The following SGCZ variants were observed in gnomAD, a reference collection of about 807,000 sequenced individuals.
SGCZ encodes the protein sarcoglycan zeta, also known as zeta-sarcoglycan.
A neutral mutation model predicts 41.3 loss-of-function variants in SGCZ; 40 were observed. The observed-to-expected ratio is 0.97, with a 90% CI of 0.75 to 1.26. The LOEUF (loss-of-function observed/expected upper bound fraction) is 1.26, where lower values mean the gene tolerates loss of function less well. SGCZ is among the 50% of genes most tolerant of loss of function. The pLI, the probability that SGCZ is intolerant of heterozygous loss-of-function variation, is 0.00. For synonymous variants in SGCZ, 206 were observed against 137.5 expected, an observed-to-expected ratio of 1.50 and a Z score of -3.49; for missense variants, 552 against 369.8, an observed-to-expected ratio of 1.49 and a Z score of -4.04.
At chr8:14,155,692 A>T in intron 5 of SGCZ, among the ~76,000 whole-genome samples, 1 of 150,474 alleles carries the variant, frequency 6.6e-6, no homozygotes, top group East Asian at 1.9e-4. Flanking sequence ...TATTGTCATT[A>T]TATATGTAAA....
At position 14,259,114 on chromosome 8, in the gene SGCZ, C is replaced by T. The variant is rs193267756; in HGVS notation, c.337-21435G>A. On this transcript the variant is annotated intron_variant, in intron 3 of 7. Coordinates refer to ENST00000382080, the MANE Select transcript of SGCZ (RefSeq NM_139167.4). ...TTAGCCTTGGGTAACCTCTAGTATACGGATTTGTAATACTATATTTTGTAA... is the reference window on the plus strand; with the variant it reads ...TTAGCCTTGGGTAACCTCTAGTATATGGATTTGTAATACTATATTTTGTAA... Among the ~76,000 whole-genome samples the T allele has an allele frequency of 2.2e-3, 340 of 152,182 alleles. 2 individuals are homozygous for T. The highest frequency in any genetic ancestry group is 0.011 in the South Asian group (52 of 4,828).
At chr8:14,666,518 CAAAT>C (rs1807915300) in intron 1 of SGCZ, among the ~76,000 whole-genome samples, 1 of 152,100 alleles carries the variant, frequency 6.6e-6, no homozygotes, top group African/African-American at 2.4e-5. Context: ...AAGCAAATCA[CAAAT>C]AATATCTCAA....
rs551316035 is a variant in SGCZ, at chr8:14,837,767, C to T, written c.40-282841G>A. ...TTGTGAAGAATCGTACTTAGATTTA[C>T]GTTTTTTAACTTTTCATTTTGAGTA... On this transcript the variant is annotated intron_variant, in intron 1 of 7. Coordinates refer to ENST00000382080, the MANE Select transcript of SGCZ (RefSeq NM_139167.4). Among the ~76,000 whole-genome samples, 38 of 152,084 alleles carry T rather than the reference C, an allele frequency of 2.5e-4. 1 individual carries two copies. The highest frequency in any genetic ancestry group is 3.4e-3 in the Middle Eastern group (1 of 294).
intron 1 of SGCZ, among the ~76,000 whole-genome samples, chr8:14,886,029 ATATAT>A (rs1563339233): frequency 6.6e-4 from 78 of 117,612 alleles, no homozygotes; most frequent in Non-Finnish European, 1.2e-3. Context: ...ATATATATAT[ATATAT>A]AAAATTGTAT....
At chr8:14,806,899 C>T (rs555119816) in intron 1 of SGCZ, among the ~76,000 whole-genome samples, 1 of 151,064 alleles carries the variant, frequency 6.6e-6, no homozygotes, top group South Asian at 2.1e-4. Flanking sequence ...AAGTGGGCTT[C>T]ATCCCTGGGA....
chr8:14,537,176 G>A (rs1050062291), intron 2 of SGCZ, among the ~76,000 whole-genome samples: 5 of 151,988 alleles, frequency 3.3e-5, no homozygotes, highest in South Asian at 4.1e-4. Context: ...ATCTCCTGCA[G>A]GACTTCAGAA....
intron 1 of SGCZ, among the ~76,000 whole-genome samples, chr8:14,928,027 GT>G (rs1799809665): frequency 6.6e-6 from 1 of 152,136 alleles, no homozygotes; most frequent in African/African-American, 2.4e-5. Flanking sequence ...TTGAGTGTTT[GT>G]CCAGCATCTG....
At chr8:14,107,937 C>A (rs1421304336) in intron 6 of SGCZ, among the ~76,000 whole-genome samples, 1 of 152,176 alleles carries the variant, frequency 6.6e-6, no homozygotes, top group Non-Finnish European at 1.5e-5. Flanking sequence ...GCCACCGTGC[C>A]CGGCCTCAGG....
chr8:14,586,290 T>G (rs947768391), intron 1 of SGCZ, among the ~76,000 whole-genome samples: 1 of 152,132 alleles, frequency 6.6e-6, no homozygotes, highest in African/African-American at 2.4e-5. Flanking sequence ...CTCTGTTGAC[T>G]GCAAACTCTA....
At chr8:14,596,488 A>C (rs1330961043) in intron 1 of SGCZ, among the ~76,000 whole-genome samples, 1 of 152,234 alleles carries the variant, frequency 6.6e-6, no homozygotes, top group African/African-American at 2.4e-5. Context: ...AAACAATTTC[A>C]TATGGTTTAA....
intron 6 of SGCZ, among the ~76,000 whole-genome samples, chr8:14,104,950 A>C (rs1032447438): frequency 2.0e-5 from 3 of 152,224 alleles, no homozygotes; most frequent in African/African-American, 7.2e-5. Flanking sequence ...ATCCAAAAAA[A>C]ATCTTTAGGA....
chr8:14,798,376 T>C (rs910593520), intron 1 of SGCZ, among the ~76,000 whole-genome samples: 1 of 152,210 alleles, frequency 6.6e-6, no homozygotes, highest in East Asian at 1.9e-4. Context: ...CTATTTATCA[T>C]AAAGTATGTT....
chr8:14,100,159 C>T (rs1301174897), intron 7 of SGCZ, among the ~76,000 whole-genome samples: 1 of 151,688 alleles, frequency 6.6e-6, no homozygotes, highest in East Asian at 1.9e-4. Context: ...CTGTGCCTTT[C>T]TGTACTTTTA....
At chr8:15,107,037 A>G (rs1806855736) in intron 1 of SGCZ, among the ~76,000 whole-genome samples, 1 of 152,204 alleles carries the variant, frequency 6.6e-6, no homozygotes, top group Admixed American at 6.5e-5. Context: ...CTAAATCTGC[A>G]TTCCTTACAT....
chr8:14,803,699 A>G (rs551793373), intron 1 of SGCZ, among the ~76,000 whole-genome samples: 17 of 152,004 alleles, frequency 1.1e-4, no homozygotes, highest in South Asian at 6.2e-4. Context: ...CAAAGCAGCC[A>G]GGAAGCTCAA....
intron 2 of SGCZ, among the ~76,000 whole-genome samples, chr8:14,457,391 GT>G (rs1800777495): frequency 6.6e-6 from 1 of 152,324 alleles, no homozygotes; most frequent in Non-Finnish European, 1.5e-5. Flanking sequence ...GTAGCAAAAG[GT>G]GTCAAGGAAC....
intron 2 of SGCZ, among the ~76,000 whole-genome samples, chr8:14,504,586 T>G (rs750668973): frequency 5.3e-5 from 8 of 152,210 alleles, no homozygotes; most frequent in Non-Finnish European, 1.2e-4. Context: ...CCTTTTTCTT[T>G]TCTCTTGTTT....
intron 1 of SGCZ, among the ~76,000 whole-genome samples, chr8:15,061,372 G>A (rs994893475): frequency 2.9e-4 from 44 of 151,814 alleles, no homozygotes; most frequent in African/African-American, 1.0e-3. Flanking sequence ...ATCACACACC[G>A]GGGCCTGTTG....
At chr8:14,315,667 A>G (rs1193868036) in intron 3 of SGCZ, among the ~76,000 whole-genome samples, 3 of 152,074 alleles carry the variant, frequency 2.0e-5, no homozygotes, top group Admixed American at 2.0e-4. Context: ...TAATAACTTC[A>G]AGGCCTAAGA....
Sources: gnomAD v4.1 joint callset for allele counts (sites outside exome capture counted in the v4.1 genomes callset) on GRCh38, gnomAD v4.1.1 for gene constraint, MANE v1.5 for transcripts, NCBI Gene and HGNC (gene_info 2026-07-23, HGNC 2026-07-21) for gene names.